GGA2: variants seen among roughly 807,000 people sequenced by gnomAD.
The protein encoded by GGA2 is ADP-ribosylation factor-binding protein GGA2.
A neutral mutation model predicts 79.5 loss-of-function variants in GGA2; 48 were observed. The observed-to-expected ratio is 0.60, with a 90% CI of 0.48 to 0.77. The LOEUF is 0.77. GGA2 is among the 30% of genes least tolerant of loss of function. The pLI, the probability that GGA2 is intolerant of heterozygous loss-of-function variation, is 0.00. For synonymous variants in GGA2, 317 were observed against 302.0 expected (o/e 1.05, Z -0.51); for missense variants, 770 against 774.0 (o/e 0.99, Z 0.06).
rs771872938 is a variant in GGA2, at chr16:23,486,714, T to C, written c.656A>G (p.Lys219Arg). 1 of 1,596,200 alleles carries C rather than the reference T, an allele frequency of 6.3e-7. No homozygotes were observed. Among genetic ancestry groups the C allele is most frequent in the South Asian group, 1.1e-5 (1 of 90,736 alleles). Residue 219 changes from lysine (K) to arginine (R), a missense_variant, in exon 7 of 17, where the codon AAG becomes AGG. Lys to Arg is a conservative substitution (Grantham distance 26). Coordinates refer to ENST00000309859, the MANE Select transcript of GGA2 (RefSeq NM_015044.4). ...ACCAACTGGAAGAATGCCCACCTCC[T>C]TGACCAAATTCTTGATTAACCGGTT... ...AANRLIKNLV[K>R]EEQEKSEKVS...
At chr16:23,524,321 T>C (rs1259558306), upstream of GGA2, 32 of 1,547,040 alleles carry the variant, frequency 2.1e-5, no homozygotes, top group African/African-American at 2.7e-5. Context: ...AAGCTGTTTC[T>C]AAGCTCACAG....
At chr16:23,510,536 C>G (rs1273188193), upstream of GGA2, 3 of 376,686 alleles carry the variant, frequency 8.0e-6, no homozygotes, top group Admixed American at 1.6e-4. Context: ...GGGCCGCTGG[C>G]GCCACGCCCA....
intron 1 of GGA2, among the ~76,000 whole-genome samples, chr16:23,520,347 A>G (rs1352872845): frequency 6.6e-6 from 1 of 152,160 alleles, no homozygotes; most frequent in African/African-American, 2.4e-5. Flanking sequence ...TATTTTACAA[A>G]CAAGAAAATT....
At chr16:23,522,848 C>G (rs1298593820), upstream of GGA2, 1 of 152,148 alleles carries the variant, frequency 6.6e-6, no homozygotes, top group Non-Finnish European at 1.5e-5. Context: ...GCTAGGATTG[C>G]GGTCATGTGA....
chr16:23,475,271 C>CCTCT (rs1266386162), intron 13 of GGA2, among the ~76,000 whole-genome samples: 1 of 150,342 alleles, frequency 6.7e-6, no homozygotes, highest in Non-Finnish European at 1.5e-5. Context: ...CTCACTGCAA[C>CCTCT]CTCTGCCTCC....
At chr16:23,467,748 G>C (rs1477153031) in intron 16 of GGA2, 48 bp from the exon 17 acceptor site, 1 of 885,006 alleles carries the variant, frequency 1.1e-6, no homozygotes, top group African/African-American at 1.6e-5. Flanking sequence ...GAGCAACCCA[G>C]GAACAGGGGT....
intron 1 of GGA2, among the ~76,000 whole-genome samples, chr16:23,502,355 G>GGA (rs2142140808): frequency 6.6e-6 from 1 of 152,256 alleles, no homozygotes; most frequent in Non-Finnish European, 1.5e-5. Context: ...TGCCACCTAG[G>GGA]GAAGCAGTAA....
In GGA2 at chr16:23,515,801, T is replaced by C. The variant is rs62029459; in HGVS notation, c.61+3786A>G. Among the ~76,000 whole-genome samples, 293 of 152,204 alleles carry C rather than the reference T, an allele frequency of 1.9e-3. 1 individual carries two copies. Among genetic ancestry groups the C allele is most frequent in the Non-Finnish European group, 3.6e-3 (242 of 67,994 alleles). On this transcript the variant is annotated intron_variant, in intron 2 of 5. Coordinates refer to the GGA2 transcript ENST00000569300. The stretch of plus-strand genomic sequence containing the variant: ...CCACTGGCTTTCCTGGGTCTCCAGC[T>C]TACACAAGCAGATCAGATGACTTTT...
chr16:23,485,892 G>T, intron 8 of GGA2, 123 bp downstream of exon 8: 1 of 859,218 alleles, frequency 1.2e-6, no homozygotes, highest in Non-Finnish European at 1.9e-6. Flanking sequence ...AACGACATTT[G>T]GGGAGGTGTC....
chr16:23,502,931 A>G (rs1384624692), intron 1 of GGA2, among the ~76,000 whole-genome samples: 2 of 152,180 alleles, frequency 1.3e-5, no homozygotes, highest in African/African-American at 4.8e-5. Flanking sequence ...GAGATGTCAG[A>G]TTAAGTTTTT....
At chr16:23,473,938 G>T (rs1964545956) in intron 14 of GGA2, among the ~76,000 whole-genome samples, 1 of 152,076 alleles carries the variant, frequency 6.6e-6, no homozygotes, top group Admixed American at 6.6e-5. Context: ...TGGCTTTCAG[G>T]GCTCTCTGCA....
In GGA2 at chr16:23,486,164, AAG is replaced by A; in HGVS notation, c.661-14_661-13del. ...GATTTTTCTTGTTCCTTTTGGGAAA[AAG>A]AGGAGGATGGGAGTGAGGGAGCAGA... On this transcript the variant is annotated splice_polypyrimidine_tract_variant and intron_variant, in intron 7 of 16. Coordinates refer to ENST00000309859, the MANE Select transcript of GGA2 (RefSeq NM_015044.4). The A allele has an allele frequency of 6.2e-7, 1 of 1,613,500 alleles. No homozygotes were observed. The highest frequency in any genetic ancestry group is 8.5e-7 in the Non-Finnish European group (1 of 1,179,494).
At position 23,465,336 on chromosome 16, in the gene GGA2, C is replaced by T; in HGVS notation, c.*2254G>A. ...AGGTAGGAGCTGGGCTCTAAGTGGC[C>T]ACTGGACTTGCTGATTAGAAGGGAG... On this transcript the variant is annotated 3_prime_UTR_variant, in exon 17 of 17. Coordinates refer to ENST00000309859, the MANE Select transcript of GGA2 (RefSeq NM_015044.4). 1.4e-6 allele frequency: 1 copy of T among 702,804 alleles called. No individual in the cohort carries two copies. Among genetic ancestry groups the T allele is most frequent in the Non-Finnish European group, 2.6e-6 (1 of 384,818 alleles). 43.5% of individuals were successfully genotyped at this position (702,804 alleles called of 1,614,324 possible).
intron 1 of GGA2, among the ~76,000 whole-genome samples, chr16:23,508,063 CTT>C (rs397855668): frequency 1.5e-4 from 21 of 138,362 alleles, no homozygotes; most frequent in East Asian, 2.1e-4. Context: ...ACTCCGGCTA[CTT>C]TTTTTTTTTT....
chr16:23,494,154 G>A lies in GGA2; in HGVS notation c.252+149C>T. On this transcript the variant is annotated intron_variant, in intron 3 of 16. Coordinates refer to ENST00000309859, the MANE Select transcript of GGA2 (RefSeq NM_015044.4). ...GAAGAAGGGTGGGGACCCTGGCCCA[G>A]ATCTCCCTCCTCCAACCTGCTGTGA... The A allele has an allele frequency of 4.7e-6, 3 of 644,158 alleles. No homozygotes were observed. The South Asian group carries it at 5.5e-5, about 12-fold the overall frequency. 39.9% of individuals were successfully genotyped at this position (644,158 alleles called of 1,614,324 possible). A position where few individuals can be genotyped will look rare whatever the true frequency, so the allele number is the denominator to read the frequency against.
Position 23,465,289 on chromosome 16 carries a change from A to G in GGA2, c.*2301T>C. The G allele has an allele frequency of 2.8e-6, 2 of 702,058 alleles. No homozygotes were observed. Among genetic ancestry groups the G allele is most frequent in the Non-Finnish European group, 5.2e-6 (2 of 384,434 alleles). The allele number at this position is 702,058 out of a possible 1,614,324, so 43.5% of individuals were successfully genotyped here. A position where few individuals can be genotyped will look rare whatever the true frequency, so the allele number is the denominator to read the frequency against. ...CGTGAGCCACTGTGCACAGCCAATA[A>G]CTACTTGTTAAGTGAATGAAGAGGT... On this transcript the variant is annotated 3_prime_UTR_variant, in exon 17 of 17. Transcript: ENST00000309859.
At chr16:23,471,260 C>G (rs1284849533) in intron 14 of GGA2, among the ~76,000 whole-genome samples, 3 of 151,952 alleles carry the variant, frequency 2.0e-5, no homozygotes, top group Admixed American at 1.3e-4. Context: ...TTTAATTGTA[C>G]AAAACTGTAG....
chr16:23,506,699 C>A (rs1008061891), intron 1 of GGA2, among the ~76,000 whole-genome samples: 3 of 152,176 alleles, frequency 2.0e-5, no homozygotes, highest in Non-Finnish European at 4.4e-5. Context: ...TCCGGGTGGG[C>A]CCACTTCGGT....
At position 23,465,637 on chromosome 16, in the gene GGA2, G is replaced by A. The variant is rs1279986976; in HGVS notation, c.*1953C>T. 1 of 547,520 alleles carries A rather than the reference G, an allele frequency of 1.8e-6. No individual in the cohort carries two copies. The highest frequency in any genetic ancestry group is 3.3e-6 in the Non-Finnish European group (1 of 307,306). 33.9% of individuals were successfully genotyped at this position (547,520 alleles called of 1,614,324 possible). On this transcript the variant is annotated 3_prime_UTR_variant, in exon 17 of 17. Transcript: ENST00000309859. ...TCTTCAAGACTACGCAACAGTAACA[G>A]AGCCTATAAAAGCTACACAGAGGCC...
Sources: allele counts gnomAD v4.1 joint callset (sites outside exome capture counted in the v4.1 genomes callset), GRCh38; gene constraint gnomAD v4.1.1; transcripts MANE v1.5; gene names NCBI Gene and HGNC (gene_info 2026-07-23, HGNC 2026-07-21).